TAFA2: variants seen among roughly 807,000 people sequenced by gnomAD.
The protein encoded by TAFA2 is TAFA chemokine like family member 2, also known as chemokine-like protein TAFA-2.
TAFA2 carries 7 observed loss-of-function variants against 18.8 expected under a neutral mutation model. That is an observed-to-expected ratio of 0.37 (90% CI 0.21 to 0.70). The LOEUF is 0.70. Ranked by LOEUF, TAFA2 falls within the 30% of genes least tolerant of loss-of-function variation. TAFA2 has a pLI of 0.53. For missense variants in TAFA2, 122 were observed against 158.1 expected, an observed-to-expected ratio of 0.77 and a Z score of 1.23; for synonymous variants, 60 against 54.2, an observed-to-expected ratio of 1.11 and a Z score of -0.47.
At chr12:62,153,148 C>T (rs1391560191) in intron 1 of TAFA2, among the ~76,000 whole-genome samples, 2 of 152,152 alleles carry the variant, frequency 1.3e-5, no homozygotes, top group African/African-American at 4.8e-5. Flanking sequence ...ATGAGAGTGG[C>T]TGGTGGTGGC....
At chr12:61,799,214 T>A (rs1277021898) in intron 2 of TAFA2, among the ~76,000 whole-genome samples, 2 of 152,230 alleles carry the variant, frequency 1.3e-5, no homozygotes, top group Non-Finnish European at 2.9e-5. Flanking sequence ...TCATAGCATA[T>A]GTTTGGTTCT....
chr12:62,237,787 T>C (rs1239394001), intron 1 of TAFA2, among the ~76,000 whole-genome samples: 2 of 152,202 alleles, frequency 1.3e-5, no homozygotes, highest in African/African-American at 4.8e-5. Flanking sequence ...CTTCAGCTCT[T>C]GAAATCATTC....
intron 4 of TAFA2, among the ~76,000 whole-genome samples, chr12:61,752,248 A>C (rs1869055071): frequency 2.0e-5 from 3 of 152,156 alleles, no homozygotes; most frequent in South Asian, 2.1e-4. Flanking sequence ...ATATGTTTTA[A>C]GTATACAATA....
intron 2 of TAFA2, among the ~76,000 whole-genome samples, chr12:61,816,241 A>T (rs758097395): frequency 6.6e-6 from 1 of 151,214 alleles, no homozygotes; most frequent in Non-Finnish European, 1.5e-5. Flanking sequence ...AGTTCTCATC[A>T]TTAGCTCCCA....
intron 1 of TAFA2, among the ~76,000 whole-genome samples, chr12:61,939,489 T>A (rs1032983952): frequency 6.6e-6 from 1 of 152,176 alleles, no homozygotes; most frequent in African/African-American, 2.4e-5. Flanking sequence ...ATAAAGTTAT[T>A]CAACATTAAA....
intron 1 of TAFA2, among the ~76,000 whole-genome samples, chr12:62,134,088 T>G (rs1156974314): frequency 6.6e-6 from 1 of 151,892 alleles, no homozygotes; most frequent in Non-Finnish European, 1.5e-5. Flanking sequence ...CTTAGGACAC[T>G]CTTTCTCTTC....
intron 2 of TAFA2, among the ~76,000 whole-genome samples, chr12:61,832,196 C>T (rs184621452): frequency 6.6e-5 from 10 of 152,130 alleles, no homozygotes; most frequent in South Asian, 2.1e-4. Flanking sequence ...ACCATAAAGC[C>T]GCAGAATAGC....
intron 1 of TAFA2, among the ~76,000 whole-genome samples, chr12:62,147,320 ATG>A (rs1182342052): frequency 4.0e-3 from 151 of 37,314 alleles, no homozygotes; most frequent in East Asian, 0.014. Context: ...GTGTGTGTGT[ATG>A]TATGTATATA....
At chr12:62,106,539 A>G (rs1048291644) in intron 1 of TAFA2, among the ~76,000 whole-genome samples, 3 of 152,160 alleles carry the variant, frequency 2.0e-5, no homozygotes, top group Non-Finnish European at 4.4e-5. Context: ...CTTGAATTTT[A>G]ATTCTGTCAA....
intron 1 of TAFA2, among the ~76,000 whole-genome samples, chr12:61,877,031 G>A (rs1874879440): frequency 6.6e-6 from 1 of 152,122 alleles, no homozygotes; most frequent in Admixed American, 6.5e-5. Flanking sequence ...TTGAGGGAAA[G>A]GTAGAACATT....
In TAFA2 at chr12:61,987,570, A is replaced by C. The variant is rs11829235; in HGVS notation, c.-1-120144T>G. Among the ~76,000 whole-genome samples the C allele has an allele frequency of 1.1e-3, 169 of 152,328 alleles. 1 individual carries two copies. Among genetic ancestry groups the C allele is most frequent in the African/African-American group, 3.2e-3 (133 of 41,576 alleles). On this transcript the variant is annotated intron_variant, in intron 1 of 4. Coordinates refer to ENST00000416284, the MANE Select transcript of TAFA2 (RefSeq NM_178539.5). ...ATTCCCTGCAAGATGCCAAACTACC[A>C]CAAGTCCAGAAAAGTCTGCACCCTT...
At chr12:62,134,753 C>T (rs1204388909) in intron 1 of TAFA2, among the ~76,000 whole-genome samples, 1 of 151,960 alleles carries the variant, frequency 6.6e-6, no homozygotes, top group East Asian at 1.9e-4. Context: ...TTGTCAATAC[C>T]TAATATCGAA....
At chr12:61,854,901 G>A (rs1038419880) in intron 2 of TAFA2, among the ~76,000 whole-genome samples, 2 of 152,168 alleles carry the variant, frequency 1.3e-5, no homozygotes, top group African/African-American at 4.8e-5. Flanking sequence ...ATCAGACCCT[G>A]GAAATGTATC....
At chr12:61,714,336 T>C (rs1869550660) in intron 4 of TAFA2, among the ~76,000 whole-genome samples, 1 of 152,162 alleles carries the variant, frequency 6.6e-6, no homozygotes. Flanking sequence ...GTTTGGTAAG[T>C]GAAACTACTG....
At chr12:61,947,426 G>A (rs1006201462) in intron 1 of TAFA2, among the ~76,000 whole-genome samples, 1 of 151,256 alleles carries the variant, frequency 6.6e-6, no homozygotes, top group Non-Finnish European at 1.5e-5. Flanking sequence ...CCTGCACAAT[G>A]TGCACATGTA....
At chr12:62,039,287 A>G (rs780885139) in intron 1 of TAFA2, among the ~76,000 whole-genome samples, 26 of 152,314 alleles carry the variant, frequency 1.7e-4, no homozygotes, top group Non-Finnish European at 2.5e-4. Flanking sequence ...CCTGTCCAAA[A>G]ATAACAAATG....
chr12:61,744,924 TAAAGAA>T (rs1226266228), intron 4 of TAFA2, among the ~76,000 whole-genome samples: 1 of 152,056 alleles, frequency 6.6e-6, no homozygotes, highest in Non-Finnish European at 1.5e-5. Flanking sequence ...AATATCTAAT[TAAAGAA>T]AAAGATTGCC....
chr12:62,085,524 G>A lies in TAFA2; in HGVS notation c.-2+105735C>T, dbSNP rs189531749. Among the ~76,000 whole-genome samples the A allele has an allele frequency of 2.1e-4, 32 of 152,150 alleles. 1 individual carries two copies. Among genetic ancestry groups the A allele is most frequent in the Admixed American group, 6.5e-4 (10 of 15,274 alleles). On this transcript the variant is annotated intron_variant, in intron 1 of 4. Coordinates refer to ENST00000416284, the MANE Select transcript of TAFA2 (RefSeq NM_178539.5). ...TTCTATGATTCTGAGAAGTAAACATGTATTTGCCTTAAATATCCCATTTAA... is the reference window on the plus strand; with the variant it reads ...TTCTATGATTCTGAGAAGTAAACATATATTTGCCTTAAATATCCCATTTAA...
At chr12:62,184,913 G>C (rs1432678796) in intron 1 of TAFA2, among the ~76,000 whole-genome samples, 1 of 152,106 alleles carries the variant, frequency 6.6e-6, no homozygotes, top group Non-Finnish European at 1.5e-5. Flanking sequence ...GTTATTTATT[G>C]TTAGAGCTAC....
Sources: allele counts gnomAD v4.1 joint callset (sites outside exome capture counted in the v4.1 genomes callset), GRCh38; gene constraint gnomAD v4.1.1; transcripts MANE v1.5; gene names NCBI Gene and HGNC (gene_info 2026-07-23, HGNC 2026-07-21).